GABRG3: variants seen among roughly 807,000 people sequenced by gnomAD.
The protein encoded by GABRG3 is gamma-aminobutyric acid receptor subunit gamma-3.
GABRG3 carries 25 observed loss-of-function variants against 48.8 expected under a neutral mutation model. The observed-to-expected ratio is 0.51, with a 90% CI of 0.37 to 0.72. The LOEUF (loss-of-function observed/expected upper bound fraction) is 0.72, where lower values mean the gene tolerates loss of function less well. GABRG3 is among the 30% of genes least tolerant of loss of function. The probability of loss-of-function intolerance (pLI) is 0.00; values close to 1 mark genes in which losing one functional copy is unlikely to be tolerated. For synonymous variants in GABRG3, 227 were observed against 217.6 expected (o/e 1.04, Z -0.38); for missense variants, 394 against 577.9 (o/e 0.68, Z 3.26).
intron 5 of GABRG3, among the ~76,000 whole-genome samples, chr15:27,380,104 T>A (rs1208305124): frequency 6.6e-6 from 1 of 152,166 alleles, no homozygotes; most frequent in Non-Finnish European, 1.5e-5. Flanking sequence ...ACATTTCAGA[T>A]TTGAAAATTT....
chr15:27,047,842 T>G (rs921050593), intron 3 of GABRG3, among the ~76,000 whole-genome samples: 7 of 152,224 alleles, frequency 4.6e-5, no homozygotes, highest in Non-Finnish European at 1.0e-4. Flanking sequence ...GGAGACAACC[T>G]TTAATTGTGC....
intron 5 of GABRG3, among the ~76,000 whole-genome samples, chr15:27,400,699 G>A (rs546368547): frequency 4.7e-4 from 71 of 152,294 alleles, no homozygotes; most frequent in African/African-American, 1.6e-3. Flanking sequence ...TTAGTTATAC[G>A]TGAGTGTTCC....
At chr15:27,441,907 G>A (rs1485168760) in intron 5 of GABRG3, among the ~76,000 whole-genome samples, 2 of 152,126 alleles carry the variant, frequency 1.3e-5, no homozygotes, top group Non-Finnish European at 2.9e-5. Context: ...AGGATTACTC[G>A]CACCAGCTGT....
At position 27,088,087 on chromosome 15, in the gene GABRG3, G is replaced by T. The variant is rs369144726; in HGVS notation, c.270+61266G>T. Among the ~76,000 whole-genome samples the T allele has an allele frequency of 2.9e-4, 44 of 150,956 alleles. 1 individual carries two copies. The South Asian group carries it at 8.8e-3, about 30-fold the overall frequency. On this transcript the variant is annotated intron_variant, in intron 3 of 9. Coordinates refer to ENST00000615808, the MANE Select transcript of GABRG3 (RefSeq NM_033223.5). ...GGTGTGCTGCAGTGTGTGTGTGAGT[G>T]TGTGTGATGTGCCGTGGTTGTGTGT...
At chr15:27,098,222 T>A (rs1373190787) in intron 3 of GABRG3, among the ~76,000 whole-genome samples, 2 of 152,082 alleles carry the variant, frequency 1.3e-5, no homozygotes. Flanking sequence ...TCACCTGAGG[T>A]CAGGAGTTCA....
chr15:27,253,159 G>A (rs896878735), intron 3 of GABRG3, among the ~76,000 whole-genome samples: 1 of 152,236 alleles, frequency 6.6e-6, no homozygotes, highest in African/African-American at 2.4e-5. Context: ...TGGAGTGTGT[G>A]TCTGTCTCTC....
intron 7 of GABRG3, among the ~76,000 whole-genome samples, chr15:27,525,425 A>G (rs1422888303): frequency 6.6e-6 from 1 of 152,066 alleles, no homozygotes; most frequent in African/African-American, 2.4e-5. Flanking sequence ...TCATGCCAAC[A>G]GGTGTTTTTG....
chr15:27,263,756 A>G (rs938312234), intron 3 of GABRG3, among the ~76,000 whole-genome samples: 1 of 151,958 alleles, frequency 6.6e-6, no homozygotes, highest in Non-Finnish European at 1.5e-5. Flanking sequence ...TGTTTAGACA[A>G]CCACCGGACG....
chr15:27,024,318 A>G (rs1895948027), intron 2 of GABRG3, among the ~76,000 whole-genome samples: 3 of 152,106 alleles, frequency 2.0e-5, no homozygotes, highest in Admixed American at 2.0e-4. Flanking sequence ...TTATAGTCAA[A>G]TTCATTTATT....
intron 3 of GABRG3, among the ~76,000 whole-genome samples, chr15:27,136,598 C>T (rs762314977): frequency 3.9e-5 from 6 of 151,910 alleles, no homozygotes; most frequent in East Asian, 1.9e-4. Flanking sequence ...GATGATCTCC[C>T]GTAATGTGAT....
Position 27,223,543 on chromosome 15 carries a change from CA to C in GABRG3, c.271-103258del, listed in dbSNP as rs11416611. 5.9e-5 allele frequency among the ~76,000 whole-genome samples: 9 copies of C among 151,698 alleles called. No individual in the cohort carries two copies. In the East Asian group the frequency reaches 7.7e-4, roughly 13 times the overall value. On this transcript the variant is annotated intron_variant, in intron 3 of 9. Coordinates refer to ENST00000615808, the MANE Select transcript of GABRG3 (RefSeq NM_033223.5). ...TTGGGCCAGCTTCAGAAAGGCATTA[CA>C]AAAAAAATGGAATATGAAGAAAATA...
intron 3 of GABRG3, among the ~76,000 whole-genome samples, chr15:27,212,169 T>C (rs1434063768): frequency 6.6e-6 from 1 of 152,200 alleles, no homozygotes; most frequent in Non-Finnish European, 1.5e-5. Context: ...TATACACCTG[T>C]CTTCCCAGGA....
chr15:27,117,330 C>G (rs1897658376), intron 3 of GABRG3, among the ~76,000 whole-genome samples: 1 of 152,182 alleles, frequency 6.6e-6, no homozygotes, highest in Non-Finnish European at 1.5e-5. Flanking sequence ...AGTTTGAAGT[C>G]TTCTCCTCTG....
At chr15:27,426,700 T>A (rs1242468911) in intron 5 of GABRG3, among the ~76,000 whole-genome samples, 2 of 152,120 alleles carry the variant, frequency 1.3e-5, no homozygotes, top group Non-Finnish European at 2.9e-5. Flanking sequence ...GGCATAGTGG[T>A]ACACACCTGT....
chr15:27,199,298 T>C (rs1888606860), intron 3 of GABRG3, among the ~76,000 whole-genome samples: 1 of 152,186 alleles, frequency 6.6e-6, no homozygotes, highest in Non-Finnish European at 1.5e-5. Flanking sequence ...ATGAATTTGT[T>C]CCTTACTGCA....
intron 5 of GABRG3, among the ~76,000 whole-genome samples, chr15:27,378,607 T>C (rs562387012): frequency 1.3e-5 from 2 of 152,348 alleles, no homozygotes; most frequent in East Asian, 3.9e-4. Context: ...TCATGCATTT[T>C]AAAGGCTCAA....
rs536238356 is a variant in GABRG3, at chr15:27,099,220, A to C, written c.270+72399A>C. ...AATGGAAGTAAGTTTTCTACACTTC[A>C]CTCAAAGTGCTAAGCCACTCTGATG... On this transcript the variant is annotated intron_variant, in intron 3 of 9. Coordinates refer to ENST00000615808, the MANE Select transcript of GABRG3 (RefSeq NM_033223.5). Among the ~76,000 whole-genome samples the C allele has an allele frequency of 9.8e-5, 15 of 152,314 alleles. 2 individuals carry two copies. Among genetic ancestry groups the C allele is most frequent in the African/African-American group, 3.6e-4 (15 of 41,568 alleles).
At chr15:27,328,947 C>T in intron 5 of GABRG3, 59 bp downstream of exon 5, 1 of 1,322,448 alleles carries the variant, frequency 7.6e-7, no homozygotes, top group Non-Finnish European at 1.1e-6. Flanking sequence ...TAGCCTGGTA[C>T]TGCTTCTGTC....
At chr15:27,210,765 C>T (rs551098365) in intron 3 of GABRG3, among the ~76,000 whole-genome samples, 9 of 152,322 alleles carry the variant, frequency 5.9e-5, no homozygotes, top group African/African-American at 2.2e-4. Context: ...AAGATTCGAG[C>T]AGGCCCCTTT....
Sources: allele counts gnomAD v4.1 joint callset (sites outside exome capture counted in the v4.1 genomes callset), GRCh38; gene constraint gnomAD v4.1.1; transcripts MANE v1.5; gene names NCBI Gene and HGNC (gene_info 2026-07-23, HGNC 2026-07-21).